TARS2: variants seen among roughly 807,000 people sequenced by gnomAD.
TARS2 encodes the protein threonyl-tRNA synthetase 2, mitochondrial.
In TARS2, 61 loss-of-function variants were observed where a neutral mutation model predicts 94.4. The observed-to-expected ratio is 0.65, with a 90% CI of 0.53 to 0.80. The LOEUF is 0.80. TARS2 is among the 30% of genes least tolerant of loss of function. The pLI is 0.00. For missense variants in TARS2, 704 were observed against 902.5 expected, an observed-to-expected ratio of 0.78 and a Z score of 2.82; for synonymous variants, 359 against 353.4, an observed-to-expected ratio of 1.02 and a Z score of -0.18.
intron 17 of TARS2, among the ~76,000 whole-genome samples, chr1:150,506,484 G>A (rs12063698): frequency 2.8e-4 from 26 of 93,444 alleles, no homozygotes; most frequent in African/African-American, 6.7e-4. Flanking sequence ...AGACACGCGC[G>A]CGCACACACA....
In TARS2 at chr1:150,505,656, C is replaced by G; in HGVS notation, c.1959C>G (p.Leu653=). The G allele has an allele frequency of 6.2e-7, 1 of 1,614,210 alleles. No individual in the cohort carries two copies. Among genetic ancestry groups the G allele is most frequent in the Non-Finnish European group, 8.5e-7 (1 of 1,180,034 alleles). The change falls in exon 17 of 18, where the codon CTC becomes CTG. Residue 653 remains leucine (L), a synonymous_variant. Coordinates refer to ENST00000369064, the MANE Select transcript of TARS2 (RefSeq NM_025150.5). Reference sequence around the variant, plus strand: ...TGGATGCAGACTCTGGACTGACCCTCAGCCGGAGAATCCGCCGGGCCCAGC... The same window carrying G: ...TGGATGCAGACTCTGGACTGACCCTGAGCCGGAGAATCCGCCGGGCCCAGC... The part of the protein sequence containing the change: ...SDLDADSGLT[L]SRRIRRAQLA...
chr1:150,487,599 C>T (rs746900924), intron 1 of TARS2, 83 bp downstream of exon 1: 3 of 1,558,374 alleles, frequency 1.9e-6, no homozygotes, highest in Non-Finnish European at 2.6e-6. Context: ...AACCCAGCCT[C>T]ACGCCACTCC....
intron 2 of TARS2, 142 bp downstream of exon 2, chr1:150,488,196 T>G: frequency 9.7e-7 from 1 of 1,031,826 alleles, no homozygotes. Flanking sequence ...TTTGTTTTTG[T>G]TTTTTGTTGT....
chr1:150,502,160 G>A (rs1190350718), intron 13 of TARS2, among the ~76,000 whole-genome samples: 1 of 151,768 alleles, frequency 6.6e-6, no homozygotes, highest in Non-Finnish European at 1.5e-5. Context: ...TGATCTGCTC[G>A]CCTTGGCTTC....
At position 150,497,740 on chromosome 1, in the gene TARS2, G is replaced by T; in HGVS notation, c.1231G>T (p.Ala411Ser). ...TLALKPMNCP[A>S]HCLMFAHRPR... ...CGCCCTCAAGCCTATGAACTGCCCT[G>T]CACACTGGTAAGCTGGGAGCTAGGG... The change falls in exon 10 of 18, where the codon GCA (alanine) becomes TCA (serine). Residue 411 changes from alanine (A) to serine (S), a missense_variant. Physicochemically the swap from Ala to Ser is moderately conservative, Grantham distance 99. Around this residue, in one of 3 missense-constraint regions of TARS2, gnomAD observed 466 missense variants for 609.5 expected, o/e 0.76. Coordinates refer to ENST00000369064, the MANE Select transcript of TARS2 (RefSeq NM_025150.5). 6.2e-7 allele frequency: 1 copy of T among 1,613,748 alleles called. No homozygotes were observed. The highest frequency in any genetic ancestry group is 8.5e-7 in the Non-Finnish European group (1 of 1,179,926).
At chr1:150,499,135 G>A in intron 12 of TARS2, 81 bp from the exon 13 acceptor site, 1 of 1,609,502 alleles carries the variant, frequency 6.2e-7, no homozygotes, top group Non-Finnish European at 8.5e-7. Flanking sequence ...TGGTGAGTGG[G>A]TCATTTGTTG....
At chr1:150,490,569 T>C (rs955159242) in intron 3 of TARS2, 32 bp from the exon 4 acceptor site, 1 of 1,605,058 alleles carries the variant, frequency 6.2e-7, no homozygotes, top group Non-Finnish European at 8.5e-7. Context: ...GAGAAGTTTA[T>C]GAACTTGTGA....
At chr1:150,490,454 C>A in intron 3 of TARS2, 147 bp from the exon 4 acceptor site, 1 of 1,259,462 alleles carries the variant, frequency 7.9e-7, no homozygotes, top group East Asian at 2.5e-5. Context: ...AGTGGTCACC[C>A]CCAAAATCTA....
intron 7 of TARS2, 37 bp from the exon 8 acceptor site, chr1:150,496,445 C>G (rs1669665509): frequency 1.3e-6 from 2 of 1,569,212 alleles, no homozygotes; most frequent in South Asian, 1.2e-5. Context: ...GGCCTTCAGT[C>G]CTCATCTTTC....
At chr1:150,503,651 G>A (rs1408020351) in intron 13 of TARS2, among the ~76,000 whole-genome samples, 1 of 148,972 alleles carries the variant, frequency 6.7e-6, no homozygotes, top group African/African-American at 2.5e-5. Flanking sequence ...ATATATGTGT[G>A]TATATATGTG....
At chr1:150,498,796 TC>T in intron 11 of TARS2, 100 bp from the exon 12 acceptor site, 1 of 1,608,748 alleles carries the variant, frequency 6.2e-7, no homozygotes, top group South Asian at 1.1e-5. Flanking sequence ...CCAGCTTGCT[TC>T]CGCTTCCTCT....
intron 13 of TARS2, among the ~76,000 whole-genome samples, chr1:150,501,359 C>A: frequency 7.4e-6 from 1 of 135,050 alleles, no homozygotes; most frequent in Non-Finnish European, 1.5e-5. Flanking sequence ...GCTCTGCTGC[C>A]CAGGCTGGAG....
In TARS2 at chr1:150,498,960, T is replaced by G. The variant is rs752401036; in HGVS notation, c.1465T>G (p.Ser489Ala). The change falls in exon 12 of 18, where the codon TCC (serine) becomes GCC (alanine). Residue 489 changes from serine (S) to alanine (A), a missense_variant. Coordinates refer to ENST00000369064, the MANE Select transcript of TARS2 (RefSeq NM_025150.5). ...LRSVYAVLGFSFRLALSTRPS... is the reference protein window; with the variant it reads ...LRSVYAVLGFAFRLALSTRPS... ...TTCCGTCTATGCCGTTCTTGGCTTC[T>G]CCTTCCGCCTGGCACTGTCCACCCG... is the stretch of plus-strand genomic sequence containing the variant. 3.1e-6 allele frequency: 5 copies of G among 1,614,126 alleles called. No individual in the cohort carries two copies. The highest frequency in any genetic ancestry group is 4.2e-6 in the Non-Finnish European group (5 of 1,180,062).
rs373395827 is a variant in TARS2 at position 150,493,039 on chromosome 1, T to C, written c.774+550T>C. ...CTGGGATAATAGGTGTGCACCACCA[T>C]GCCCAGCTACTTTTTGTATTTTTAG... On this transcript the variant is annotated intron_variant, in intron 7 of 17. Coordinates refer to ENST00000369064, the MANE Select transcript of TARS2 (RefSeq NM_025150.5). 5.0e-4 allele frequency among the ~76,000 whole-genome samples: 76 copies of C among 151,986 alleles called. 1 individual carries two copies. The East Asian group carries it at 0.012, about 24-fold the overall frequency.
chr1:150,498,109 AG>A (rs1395448148), intron 10 of TARS2, among the ~76,000 whole-genome samples: 39 of 151,446 alleles, frequency 2.6e-4, no homozygotes, highest in African/African-American at 8.9e-4. Flanking sequence ...AAAAAAAAAA[AG>A]AAAGCACCTT....
chr1:150,504,381 G>A lies in TARS2; in HGVS notation c.1664G>A (p.Gly555Glu). ...GCCCTGGGCCGGCCACATCAGTGTG[G>A]GACAATTCAGCTTGACTTCCAACTG... ...HDALGRPHQC[G>E]TIQLDFQLPL... The change falls in exon 14 of 18, where the codon GGG becomes GAG. Residue 555 changes from glycine to glutamate, a missense_variant. Physicochemically the swap from Gly to Glu is moderately conservative, Grantham distance 98. This residue lies in a region of TARS2 where 466 missense variants were observed against 609.5 expected (regional missense o/e 0.76). Coordinates refer to ENST00000369064, the MANE Select transcript of TARS2 (RefSeq NM_025150.5). 6.2e-7 allele frequency: 1 copy of A among 1,614,052 alleles called. No homozygotes were observed. Among genetic ancestry groups the A allele is most frequent in the Non-Finnish European group, 8.5e-7 (1 of 1,180,014 alleles).
At position 150,497,537 on chromosome 1, in the gene TARS2, A is replaced by C; in HGVS notation, c.1028A>C (p.Tyr343Ser). 1 of 1,613,980 alleles carries C rather than the reference A, an allele frequency of 6.2e-7. No individual in the cohort carries two copies. The highest frequency in any genetic ancestry group is 8.5e-7 in the Non-Finnish European group (1 of 1,180,000). Residue 343 changes from tyrosine to serine, a missense_variant, in exon 10 of 18, where the codon TAT becomes TCT. By Grantham distance (144) the Tyr-to-Ser change is moderately radical. This residue lies in a region of TARS2 where 466 missense variants were observed against 609.5 expected (regional missense o/e 0.76). Transcript: ENST00000369064. ...NALVAFIRAE[Y>S]AHRGFSEVKT... ...CTGTACCCTCCTCTCCAGGCTGAGT[A>C]TGCCCATCGTGGTTTCTCCGAGGTG...
chr1:150,503,631 A>G (rs587747869), intron 13 of TARS2, among the ~76,000 whole-genome samples: 1 of 79,502 alleles, frequency 1.3e-5, no homozygotes, highest in African/African-American at 3.3e-5. Flanking sequence ...GTGTGTATAT[A>G]TGTGTGTGTA....
At position 150,488,065 on chromosome 1, in the gene TARS2, C is replaced by T; in HGVS notation, c.263+11C>T. 6.2e-7 allele frequency: 1 copy of T among 1,612,636 alleles called. No individual in the cohort carries two copies. Among genetic ancestry groups the T allele is most frequent in the South Asian group, 1.1e-5 (1 of 90,964 alleles). On this transcript the variant is annotated intron_variant, in intron 2 of 17. Transcript: ENST00000369064. ...AGCCCGGCAGATCAGGTAACAGGCC[C>T]ATCCTGTAACTACCAGGATTATCCT...
Sources: allele counts gnomAD v4.1 joint callset (sites outside exome capture counted in the v4.1 genomes callset), GRCh38; gene constraint gnomAD v4.1.1; regional missense constraint gnomAD v4.1.1; transcripts MANE v1.5; gene names NCBI Gene and HGNC (gene_info 2026-07-23, HGNC 2026-07-21).